POLR1A: variants seen among roughly 807,000 people sequenced by gnomAD.
The protein encoded by POLR1A is RNA polymerase I subunit A, also known as DNA-directed RNA polymerase I subunit RPA1.
POLR1A carries 84 observed loss-of-function variants against 205.3 expected under a neutral mutation model. The ratio of observed to expected loss-of-function variants is 0.41; its 90% CI spans 0.34 to 0.49. The LOEUF (loss-of-function observed/expected upper bound fraction) is 0.49. Ranked by LOEUF, POLR1A falls within the 20% of genes least tolerant of loss-of-function variation. The pLI is 0.22. For missense variants in POLR1A, 1,645 were observed against 2,204.5 expected, an observed-to-expected ratio of 0.75 and a Z score of 5.08; for synonymous variants, 799 against 863.7, an observed-to-expected ratio of 0.93 and a Z score of 1.31.
Position 86,034,599 on chromosome 2 carries a change from T to C in POLR1A, c.4035-812A>G, listed in dbSNP as rs574422571. On this transcript the variant is annotated intron_variant, in intron 27 of 33. Coordinates refer to ENST00000263857, the MANE Select transcript of POLR1A (RefSeq NM_015425.6). The stretch of plus-strand genomic sequence containing the variant: ...CTCATGTAACCCCCTGCCTGTCTTT[T>C]CCAACAGGCCAGAATAGCACACCAA... Among the ~76,000 whole-genome samples, 5 of 152,060 alleles carry C rather than the reference T, an allele frequency of 3.3e-5. No individual in the cohort carries two copies. In the South Asian group the frequency reaches 1.0e-3, roughly 32 times the overall value.
chr2:86,089,962 A>G (rs1339489820), intron 3 of POLR1A, 33 bp from the exon 4 acceptor site: 16 of 1,096,760 alleles, frequency 1.5e-5, no homozygotes, highest in Admixed American at 6.8e-5. Context: ...CCATTATCAC[A>G]GTAATGTACA....
At chr2:86,039,507 CCTT>C in intron 25 of POLR1A, 45 bp from the exon 26 acceptor site, 1 of 1,611,234 alleles carries the variant, frequency 6.2e-7, no homozygotes, top group South Asian at 1.1e-5. Context: ...GGCAACCAGA[CCTT>C]CTGTTTGGGT....
intron 27 of POLR1A, among the ~76,000 whole-genome samples, chr2:86,034,390 T>C (rs1168893609): frequency 6.6e-6 from 1 of 152,160 alleles, no homozygotes; most frequent in Non-Finnish European, 1.5e-5. Context: ...GAAGGGCTCA[T>C]CAAAATTTCG....
chr2:86,054,565 A>G (rs1037920891), intron 14 of POLR1A, among the ~76,000 whole-genome samples: 1 of 152,254 alleles, frequency 6.6e-6, no homozygotes, highest in Non-Finnish European at 1.5e-5. Flanking sequence ...AAAGTGAATA[A>G]TCCCCTAGAC....
At chr2:86,041,260 T>C (rs1209922214) in intron 24 of POLR1A, among the ~76,000 whole-genome samples, 2 of 148,278 alleles carry the variant, frequency 1.3e-5, no homozygotes, top group Non-Finnish European at 3.0e-5. Context: ...TGTGTGTGTG[T>C]GTGTGTGCTG....
chr2:86,044,556 C>A (rs1341337527), intron 21 of POLR1A, among the ~76,000 whole-genome samples: 1 of 152,184 alleles, frequency 6.6e-6, no homozygotes, highest in African/African-American at 2.4e-5. Flanking sequence ...AGCTTGGCTG[C>A]CACCCCTAGA....
chr2:86,080,993 A>G lies in POLR1A; in HGVS notation c.924-15T>C. ...CTGGGCGATACCTGCAGGGGGACAT[A>G]CGGAATAAATGAATGTTTAGTGTGA... On this transcript the variant is annotated splice_polypyrimidine_tract_variant and intron_variant, in intron 8 of 33. Coordinates refer to ENST00000263857, the MANE Select transcript of POLR1A (RefSeq NM_015425.6). 1 of 1,602,736 alleles carries G rather than the reference A, an allele frequency of 6.2e-7. No individual in the cohort carries two copies. Among genetic ancestry groups the G allele is most frequent in the South Asian group, 1.1e-5 (1 of 89,236 alleles).
Position 86,075,384 on chromosome 2 carries a change from A to G in POLR1A, c.1381-124T>C, listed in dbSNP as rs1282487094. ...GTGGAGGAGCTGTTTGACTTGGCCA[A>G]GAAGGTCTTCCAGTGAGCAAAGTAA... On this transcript the variant is annotated intron_variant, in intron 11 of 33. Coordinates refer to ENST00000263857, the MANE Select transcript of POLR1A (RefSeq NM_015425.6). 21 of 697,456 alleles carry G rather than the reference A, an allele frequency of 3.0e-5. No individual in the cohort carries two copies. In the Middle Eastern group the frequency reaches 1.4e-3, roughly 46 times the overall value. 43.2% of individuals were successfully genotyped at this position (697,456 alleles called of 1,614,324 possible).
At chr2:86,098,569 CT>C in intron 3 of POLR1A, 41 bp downstream of exon 3, 8 of 1,604,328 alleles carry the variant, frequency 5.0e-6, no homozygotes, top group Admixed American at 1.7e-5. Context: ...CCCCACACCA[CT>C]TTGCCTTTTC....
At chr2:86,035,570 A>G (rs565617512) in intron 27 of POLR1A, among the ~76,000 whole-genome samples, 1 of 152,312 alleles carries the variant, frequency 6.6e-6, no homozygotes, top group South Asian at 2.1e-4. Context: ...TGGGCGCCCC[A>G]GCCTGTCTCA....
chr2:86,090,030 GA>G, intron 3 of POLR1A, 101 bp from the exon 4 acceptor site: 1 of 665,028 alleles, frequency 1.5e-6, no homozygotes, highest in Non-Finnish European at 2.7e-6. Context: ...AGATTCATTT[GA>G]AGGGAGAAAA....
At chr2:86,029,626 T>TCACTCTGTCCCCCAGGCTGGAGTGC (rs1439186970) in intron 31 of POLR1A, among the ~76,000 whole-genome samples, 48 of 148,272 alleles carry the variant, frequency 3.2e-4, no homozygotes, top group Non-Finnish European at 6.2e-4. Context: ...AGATGGAGTC[T>TCACTCTGTCCCCCAGGCTGGAGTGC]CACTCTGTCC....
At chr2:86,033,363 A>G (rs1672432309) in intron 28 of POLR1A, among the ~76,000 whole-genome samples, 1 of 152,224 alleles carries the variant, frequency 6.6e-6, no homozygotes, top group Admixed American at 6.5e-5. Flanking sequence ...CATGACCTCG[A>G]GTCCCTCCTC....
At chr2:86,063,977 A>C (rs1190001204) in intron 14 of POLR1A, among the ~76,000 whole-genome samples, 1 of 152,224 alleles carries the variant, frequency 6.6e-6, no homozygotes, top group Non-Finnish European at 1.5e-5. Flanking sequence ...TACGTTATTT[A>C]GAAGTACAAA....
chr2:86,078,984 G>T (rs1673347206), intron 9 of POLR1A, among the ~76,000 whole-genome samples: 1 of 152,160 alleles, frequency 6.6e-6, no homozygotes, highest in Non-Finnish European at 1.5e-5. Flanking sequence ...ATACTGTCTG[G>T]CCACCTACTG....
At chr2:86,085,571 T>C (rs1673490677) in intron 6 of POLR1A, among the ~76,000 whole-genome samples, 2 of 152,172 alleles carry the variant, frequency 1.3e-5, no homozygotes, top group Non-Finnish European at 2.9e-5. Flanking sequence ...TTCTACTAAA[T>C]AGGTTGGAAA....
rs142842124 is a variant in POLR1A, at chr2:86,089,766, G to A, written c.540+56C>T. 3.5e-3 allele frequency: 3,777 copies of A among 1,069,368 alleles called. 16 individuals carry two copies. Among genetic ancestry groups the A allele is most frequent in the Non-Finnish European group, 3.9e-3 (2,647 of 684,504 alleles). 66.2% of individuals were successfully genotyped at this position (1,069,368 alleles called of 1,614,324 possible). A position where few individuals can be genotyped will look rare whatever the true frequency, so the allele number is the denominator to read the frequency against. ...AGTATATGCAAAGGACAACACAGAG[G>A]GAAAGTGATAAAATGATGCCCAAAA... On this transcript the variant is annotated intron_variant, in intron 4 of 33. Coordinates refer to ENST00000263857, the MANE Select transcript of POLR1A (RefSeq NM_015425.6).
intron 6 of POLR1A, among the ~76,000 whole-genome samples, chr2:86,083,993 G>C (rs774829659): frequency 2.0e-5 from 3 of 152,136 alleles, no homozygotes; most frequent in Non-Finnish European, 2.9e-5. Flanking sequence ...CAAGTAAGTA[G>C]TGTGTCTTTC....
Position 86,081,025 on chromosome 2 carries a change from G to A in POLR1A, c.924-47C>T, listed in dbSNP as rs543175307. 299 of 1,544,034 alleles carry A rather than the reference G, an allele frequency of 1.9e-4. 3 individuals are homozygous for A. The South Asian group carries it at 3.4e-3, about 18-fold the overall frequency. On this transcript the variant is annotated intron_variant, in intron 8 of 33. Transcript: ENST00000263857. ...AAATGAATGTTTAGTGTGAGGAAAG[G>A]GTCATGTTCTTCAGCCTCTCACCCA...
Sources: allele counts gnomAD v4.1 joint callset (sites outside exome capture counted in the v4.1 genomes callset), GRCh38; gene constraint gnomAD v4.1.1; transcripts MANE v1.5; gene names NCBI Gene and HGNC (gene_info 2026-07-23, HGNC 2026-07-21).